EP300: variants seen among roughly 807,000 people sequenced by gnomAD.
EP300 encodes EP300 lysine acetyltransferase, also known as histone acetyltransferase p300.
Under a neutral mutation model 264.0 loss-of-function variants are expected in EP300, and 31 were observed. That is an observed-to-expected ratio of 0.12 (90% confidence interval 0.09 to 0.16). EP300 has a LOEUF of 0.16. Ranked by LOEUF, EP300 falls within the 10% of genes least tolerant of loss-of-function variation. The probability of loss-of-function intolerance (pLI) is 1.00; values close to 1 mark genes in which losing one functional copy is unlikely to be tolerated. For synonymous variants in EP300, 1,340 were observed against 1,045.4 expected (o/e 1.28, Z -5.44); for missense variants, 2,766 against 3,052.9 (o/e 0.91, Z 2.21).
chr22:41,131,774 C>T, intron 6 of EP300, 141 bp downstream of exon 6: 4 of 1,238,700 alleles, frequency 3.2e-6, no homozygotes, highest in Non-Finnish European at 4.6e-6. Context: ...TGTAAAAGGT[C>T]CCTTACAGTT....
Position 41,117,192 on chromosome 22 carries a change from G to C in EP300, c.100G>C (p.Gly34Arg). 1 of 1,613,766 alleles carries C rather than the reference G, an allele frequency of 6.2e-7. No individual in the cohort carries two copies. Residue 34 changes from glycine to arginine, a missense_variant, in exon 2 of 31, where the codon GGC becomes CGC. Coordinates refer to ENST00000263253, the MANE Select transcript of EP300 (RefSeq NM_001429.4). ...TCTTTTCCCTTTGCTTTTAGATTTT[G>C]GCTCTCTATTTGACTTGGAGCACGA... ...SASASDGTDF[G>R]SLFDLEHDLP...
chr22:41,107,040 G>A (rs1425735595), intron 1 of EP300, among the ~76,000 whole-genome samples: 1 of 152,132 alleles, frequency 6.6e-6, no homozygotes. Flanking sequence ...CTGAGTAGCT[G>A]GGATTACAGG....
chr22:41,128,223 G>C (rs962156035), intron 4 of EP300, among the ~76,000 whole-genome samples: 1 of 152,148 alleles, frequency 6.6e-6, no homozygotes, highest in Non-Finnish European at 1.5e-5. Context: ...GGGAGACTGA[G>C]GTGGGCAGAT....
rs187286154 is a variant in EP300, at chr22:41,116,617, G to C, written c.95-570G>C. Among the ~76,000 whole-genome samples, 9 of 152,136 alleles carry C rather than the reference G, an allele frequency of 5.9e-5. No homozygotes were observed. In the East Asian group the frequency reaches 1.7e-3, roughly 29 times the overall value. On this transcript the variant is annotated intron_variant, in intron 1 of 30. Transcript: ENST00000263253. ...CTTTATCCAGTCTGTCATTGATGGG[G>C]GGTGTTGTACTTTCAATCCCTTTTT... is the stretch of plus-strand genomic sequence containing the variant.
chr22:41,095,689 A>G (rs1278695819), intron 1 of EP300, among the ~76,000 whole-genome samples: 1 of 152,154 alleles, frequency 6.6e-6, no homozygotes, highest in Non-Finnish European at 1.5e-5. Flanking sequence ...TATAAATGTG[A>G]AAGAAAATTA....
At chr22:41,142,546 A>G (rs1284214550) in intron 10 of EP300, among the ~76,000 whole-genome samples, 1 of 152,144 alleles carries the variant, frequency 6.6e-6, no homozygotes, top group Non-Finnish European at 1.5e-5. Context: ...TAGAGTTGAG[A>G]CTGCTTCAGT....
chr22:41,099,490 G>T (rs940925965), intron 1 of EP300, among the ~76,000 whole-genome samples: 1 of 152,176 alleles, frequency 6.6e-6, no homozygotes, highest in Non-Finnish European at 1.5e-5. Context: ...CAAATTTAAT[G>T]CCTTTTCCAT....
Position 41,141,985 on chromosome 22 carries a change from T to G in EP300, c.2053+763T>G, listed in dbSNP as rs559397106. Among the ~76,000 whole-genome samples the G allele has an allele frequency of 1.8e-4, 28 of 152,322 alleles. No individual in the cohort carries two copies. In the South Asian group the frequency reaches 5.6e-3, roughly 30 times the overall value. On this transcript the variant is annotated intron_variant, in intron 10 of 30. Transcript: ENST00000263253. ...AGCCACCACTCCCTGCCTAGAAGCA[T>G]CATTTAAAATTACATTTTGACAGCT... is the stretch of plus-strand genomic sequence containing the variant.
intron 12 of EP300, 158 bp from the exon 13 acceptor site, chr22:41,148,880 C>T (rs1480758674): frequency 1.0e-5 from 9 of 894,168 alleles, no homozygotes; most frequent in Non-Finnish European, 1.5e-5. Flanking sequence ...TGTTCTACAA[C>T]TTTCTTCCTT....
At chr22:41,141,275 T>TTC in intron 10 of EP300, 53 bp downstream of exon 10, 1 of 1,570,780 alleles carries the variant, frequency 6.4e-7, no homozygotes, top group Non-Finnish European at 8.8e-7. Flanking sequence ...ATAAAATAGT[T>TTC]TCTATCTAAA....
chr22:41,150,505 T>C (rs545773806), intron 14 of EP300, among the ~76,000 whole-genome samples: 1 of 152,276 alleles, frequency 6.6e-6, no homozygotes, highest in East Asian at 1.9e-4. Context: ...TTATTTAGTA[T>C]ATTATTTAGT....
intron 2 of EP300, 114 bp from the exon 3 acceptor site, chr22:41,125,750 G>A (rs1463482968): frequency 2.6e-6 from 3 of 1,151,956 alleles, no homozygotes; most frequent in African/African-American, 1.6e-5. Context: ...TCTAATAGAA[G>A]CTGAGAATTT....
intron 1 of EP300, among the ~76,000 whole-genome samples, chr22:41,115,808 A>G (rs935832078): frequency 3.3e-5 from 5 of 152,238 alleles, no homozygotes; most frequent in African/African-American, 1.2e-4. Flanking sequence ...AAGGAAAGCT[A>G]TTCTGTAGGC....
At chr22:41,140,088 T>C (rs987471858) in intron 8 of EP300, 52 bp from the exon 9 acceptor site, 1 of 1,315,610 alleles carries the variant, frequency 7.6e-7, no homozygotes. Flanking sequence ...ATCAGAAAAA[T>C]ACTAATTAAA....
intron 21 of EP300, among the ~76,000 whole-genome samples, chr22:41,163,011 C>G (rs2059115990): frequency 6.6e-6 from 1 of 152,146 alleles, no homozygotes; most frequent in African/African-American, 2.4e-5. Flanking sequence ...AAGATCTAAA[C>G]TTCTAGTTTG....
chr22:41,158,355 C>CTG (rs2059089019), intron 18 of EP300, 57 bp from the exon 19 acceptor site: 1 of 1,415,160 alleles, frequency 7.1e-7, no homozygotes, highest in African/African-American at 1.4e-5. Flanking sequence ...GCCATTCTTA[C>CTG]TGTTCTAGCT....
rs775556373 is a variant in EP300 at position 41,177,565 on chromosome 22, A to G, written c.5854A>G (p.Ile1952Val). 6 of 1,614,158 alleles carry G rather than the reference A, an allele frequency of 3.7e-6. No homozygotes were observed. The highest frequency in any genetic ancestry group is 1.3e-5 in the African/African-American group (1 of 75,042). The change falls in exon 31 of 31, where the codon ATC becomes GTC. Residue 1952 changes from isoleucine to valine, a missense_variant. Ile to Val is a conservative substitution (Grantham distance 29, BLOSUM62 3). Transcript: ENST00000263253. ...CCACGTGCAAATTTTTCAAAGGCCAATCCAACACCAGATGCCCCCGATGAC... is the reference window on the plus strand; with the variant it reads ...CCACGTGCAAATTTTTCAAAGGCCAGTCCAACACCAGATGCCCCCGATGAC... The part of the protein sequence containing the change: ...MAHVQIFQRP[I>V]QHQMPPMTPM...
chr22:41,143,169 G>C (rs535147400), intron 10 of EP300, among the ~76,000 whole-genome samples: 3 of 152,072 alleles, frequency 2.0e-5, no homozygotes, highest in African/African-American at 7.2e-5. Flanking sequence ...CATAAAAGTG[G>C]TCGGGCATGG....
chr22:41,129,368 T>G (rs2058903129), intron 4 of EP300, among the ~76,000 whole-genome samples: 2 of 152,246 alleles, frequency 1.3e-5, no homozygotes, highest in South Asian at 2.1e-4. Flanking sequence ...AGAATAAATT[T>G]TAAAGGTCTT....
Sources: allele counts gnomAD v4.1 joint callset (sites outside exome capture counted in the v4.1 genomes callset), GRCh38; gene constraint gnomAD v4.1.1; transcripts MANE v1.5; gene names NCBI Gene and HGNC (gene_info 2026-07-23, HGNC 2026-07-21).